Variants in MRTFB observed in about 807,000 individuals in gnomAD.
MRTFB encodes myocardin related transcription factor B.
A neutral mutation model predicts 104.2 loss-of-function variants in MRTFB; 29 were observed. The ratio of observed to expected loss-of-function variants is 0.28; its 90% CI spans 0.21 to 0.38. MRTFB has a LOEUF of 0.38. Among genes scored for constraint, MRTFB ranks in the 10% least tolerant of loss-of-function variants. The pLI, the probability that MRTFB is intolerant of heterozygous loss-of-function variation, is 1.00. For synonymous variants in MRTFB, 535 were observed against 519.5 expected (o/e 1.03, Z -0.41); for missense variants, 1,270 against 1,341.6 (o/e 0.95, Z 0.83).
At chr16:14,122,307 T>TA (rs1352433322) in intron 2 of MRTFB, among the ~76,000 whole-genome samples, 1 of 152,102 alleles carries the variant, frequency 6.6e-6, no homozygotes, top group Non-Finnish European at 1.5e-5. Flanking sequence ...TATTATACTT[T>TA]AAGTTCTGGG....
chr16:14,095,511 C>A (rs529558913), intron 2 of MRTFB, among the ~76,000 whole-genome samples: 1 of 152,328 alleles, frequency 6.6e-6, no homozygotes, highest in Non-Finnish European at 1.5e-5. Flanking sequence ...GATGTTAAGC[C>A]ATGGAACAAT....
intron 1 of MRTFB, among the ~76,000 whole-genome samples, chr16:14,073,002 G>T (rs2033814984): frequency 6.6e-6 from 1 of 152,084 alleles, no homozygotes; most frequent in African/African-American, 2.4e-5. Context: ...TATCTCACTT[G>T]TTTGTATATG....
intron 3 of MRTFB, among the ~76,000 whole-genome samples, chr16:14,181,591 C>T (rs1199010287): frequency 2.6e-5 from 4 of 152,114 alleles, no homozygotes. Flanking sequence ...GAAAAGTATG[C>T]CTCAATATTT....
At position 14,246,490 on chromosome 16, in the gene MRTFB, A is replaced by G. The variant is rs1363051037; in HGVS notation, c.1230A>G (p.Thr410=). 3.7e-6 allele frequency: 6 copies of G among 1,614,024 alleles called. No homozygotes were observed. The highest frequency in any genetic ancestry group is 4.2e-6 in the Non-Finnish European group (5 of 1,179,968). ...LDDLKVSELK[T]ELKLRGLPVS... ...ACCTCCAGGTATCAGAACTGAAGACAGAACTGAAGTTAAGGGGTCTGCCAG... is the reference window on the plus strand; with the variant it reads ...ACCTCCAGGTATCAGAACTGAAGACGGAACTGAAGTTAAGGGGTCTGCCAG... The change falls in exon 12 of 17, where the codon ACA becomes ACG. Residue 410 remains threonine, a synonymous_variant. Coordinates refer to ENST00000571589, the MANE Select transcript of MRTFB (RefSeq NM_001308142.2).
the MRTFB span, among the ~76,000 whole-genome samples, chr16:14,027,665 C>T: frequency 6.6e-6 from 1 of 152,154 alleles, no homozygotes; most frequent in Non-Finnish European, 1.5e-5. Flanking sequence ...GAAGATGGTA[C>T]ATGGGAGCTC....
intron 2 of MRTFB, among the ~76,000 whole-genome samples, chr16:14,136,345 T>C (rs1047983930): frequency 2.0e-5 from 3 of 152,188 alleles, no homozygotes; most frequent in Admixed American, 2.0e-4. Context: ...TCTACTACTT[T>C]TCACATGTGT....
rs1422868137 is a variant in MRTFB, at chr16:14,261,997, G to C, written c.*553G>C. 2 of 152,148 alleles carry C rather than the reference G, an allele frequency of 1.3e-5. No individual in the cohort carries two copies. The highest frequency in any genetic ancestry group is 2.9e-5 in the Non-Finnish European group (2 of 68,046). 9.4% of individuals were successfully genotyped at this position (152,148 alleles called of 1,614,324 possible). A position where few individuals can be genotyped will look rare whatever the true frequency, so the allele number is the denominator to read the frequency against. ...TGACAGCTTCTGGCTGAAGACTTTT[G>C]GTTCTATTCAGAAACCTGTGTCGTT... On this transcript the variant is annotated 3_prime_UTR_variant, in exon 17 of 17. Coordinates refer to ENST00000571589, the MANE Select transcript of MRTFB (RefSeq NM_001308142.2).
At chr16:14,039,760 C>CTTTTTTT in the MRTFB span, among the ~76,000 whole-genome samples, 3 of 121,930 alleles carry the variant, frequency 2.5e-5, no homozygotes, top group South Asian at 2.6e-4. Flanking sequence ...ATAATATGTT[C>CTTTTTTT]TTTTTTTTTT....
chr16:14,034,368 C>CT, the MRTFB span, among the ~76,000 whole-genome samples: 1 of 152,322 alleles, frequency 6.6e-6, no homozygotes, highest in Non-Finnish European at 1.5e-5. Flanking sequence ...AATCCCAGCA[C>CT]TTTGGGAGGC....
chr16:14,086,701 CTTAA>C (rs2034723725), intron 2 of MRTFB, among the ~76,000 whole-genome samples: 1 of 152,062 alleles, frequency 6.6e-6, no homozygotes, highest in South Asian at 2.1e-4. Flanking sequence ...TTACTGATGA[CTTAA>C]TTTATTTAAT....
chr16:14,206,929 T>TAA (rs572155149), intron 3 of MRTFB, among the ~76,000 whole-genome samples: 10 of 137,858 alleles, frequency 7.3e-5, no homozygotes, highest in Admixed American at 7.3e-5. Flanking sequence ...AGATAAAAGC[T>TAA]AAAAAAAAAA....
chr16:14,123,586 A>G (rs2036960523), intron 2 of MRTFB, among the ~76,000 whole-genome samples: 2 of 150,960 alleles, frequency 1.3e-5, no homozygotes, highest in Admixed American at 6.6e-5. Context: ...TTGTTGATGT[A>G]TGGTCTTATT....
At chr16:13,999,432 T>C in the MRTFB span, among the ~76,000 whole-genome samples, 19 of 150,142 alleles carry the variant, frequency 1.3e-4, no homozygotes, top group Non-Finnish European at 2.4e-4. Context: ...AGTGACTGGC[T>C]CTGGGATGGG....
intron 14 of MRTFB, 82 bp from the exon 15 acceptor site, chr16:14,252,283 A>G (rs2043287370): frequency 3.2e-6 from 5 of 1,546,014 alleles, no homozygotes; most frequent in Non-Finnish European, 2.6e-6. Context: ...CACTACATAG[A>G]GAACAGCAGA....
At chr16:14,200,228 A>G in intron 3 of MRTFB, 1 of 1,281,824 alleles carries the variant, frequency 7.8e-7, no homozygotes, top group Non-Finnish European at 1.1e-6. Flanking sequence ...TGGTAGCTTA[A>G]GTATATGAAT....
At chr16:14,032,372 GGAGAGTGATGTGTTCA>G in the MRTFB span, among the ~76,000 whole-genome samples, 4 of 152,350 alleles carry the variant, frequency 2.6e-5, no homozygotes, top group East Asian at 7.7e-4. Flanking sequence ...CAAGGTGCTA[GGAGAGTGATGTGTTCA>G]GAGAGGGCAT....
At chr16:14,011,767 G>T in the MRTFB span, among the ~76,000 whole-genome samples, 5 of 152,170 alleles carry the variant, frequency 3.3e-5, no homozygotes, top group African/African-American at 1.2e-4. Context: ...AACTACTGGG[G>T]AGGCTGAAGC....
Position 14,261,558 on chromosome 16 carries a change from A to G in MRTFB, c.*114A>G, listed in dbSNP as rs929112953. 2 of 1,126,470 alleles carry G rather than the reference A, an allele frequency of 1.8e-6. No homozygotes were observed. Among genetic ancestry groups the G allele is most frequent in the African/African-American group, 3.1e-5 (2 of 64,354 alleles). 69.8% of individuals were successfully genotyped at this position (1,126,470 alleles called of 1,614,324 possible). On this transcript the variant is annotated 3_prime_UTR_variant, in exon 17 of 17. Coordinates refer to ENST00000571589, the MANE Select transcript of MRTFB (RefSeq NM_001308142.2). ...ATTGTTGCAATCAAAATATGTTGTC[A>G]CAGAAAGAATAGGTGGAAGGTCATA...
chr16:14,146,868 G>A lies in MRTFB; in HGVS notation c.154+6108G>A, dbSNP rs182956640. Reference sequence around the variant, plus strand: ...ATAATGAATGAATGGAGATTGGTGAGGGAGAAAGAGGAAATTTCTACTTTT... The same window carrying A: ...ATAATGAATGAATGGAGATTGGTGAAGGAGAAAGAGGAAATTTCTACTTTT... On this transcript the variant is annotated intron_variant, in intron 3 of 16. Coordinates refer to ENST00000571589, the MANE Select transcript of MRTFB (RefSeq NM_001308142.2). Among the ~76,000 whole-genome samples, 202 of 152,290 alleles carry A rather than the reference G, an allele frequency of 1.3e-3. 3 individuals are homozygous for A. Among genetic ancestry groups the A allele is most frequent in the African/African-American group, 4.4e-3 (183 of 41,540 alleles).
Sources: allele counts gnomAD v4.1 joint callset (sites outside exome capture counted in the v4.1 genomes callset), GRCh38; gene constraint gnomAD v4.1.1; transcripts MANE v1.5; gene names NCBI Gene and HGNC (gene_info 2026-07-23, HGNC 2026-07-21).